Variants in RASSF3 observed in about 807,000 individuals in gnomAD.
The protein encoded by RASSF3 is ras association domain-containing protein 3.
A neutral mutation model predicts 19.9 loss-of-function variants in RASSF3; 19 were observed. That is an observed-to-expected ratio of 0.96 (90% confidence interval 0.67 to 1.40). RASSF3 has a LOEUF of 1.40. Ranked by LOEUF, RASSF3 falls within the 40% of genes most tolerant of loss-of-function variation. The pLI, the probability that RASSF3 is intolerant of heterozygous loss-of-function variation, is 0.00. For synonymous variants in RASSF3, 110 were observed against 104.2 expected, an observed-to-expected ratio of 1.06 and a Z score of -0.34; for missense variants, 306 against 289.8, an observed-to-expected ratio of 1.06 and a Z score of -0.41.
In RASSF3 at chr12:64,625,764, CAGAGT is replaced by C. The variant is rs1278532037; in HGVS notation, c.111+15022_111+15026del. Among the ~76,000 whole-genome samples, 10 of 152,356 alleles carry C rather than the reference CAGAGT, an allele frequency of 6.6e-5. No homozygotes were observed. The East Asian group carries it at 1.7e-3, about 26-fold the overall frequency. Reference sequence around the variant, plus strand: ...TTCCCAGCCCTCTGTTCTCTCTCCACAGAGTGACTGTCTCGGCTCTGAGGGTTTCA... The same window carrying C: ...TTCCCAGCCCTCTGTTCTCTCTCCACGACTGTCTCGGCTCTGAGGGTTTCA... On this transcript the variant is annotated intron_variant, in intron 1 of 4. Coordinates refer to ENST00000542104, the MANE Select transcript of RASSF3 (RefSeq NM_178169.4).
intron 1 of RASSF3, among the ~76,000 whole-genome samples, chr12:64,516,618 C>CAAAA (rs200931603): frequency 0.016 from 1,763 of 109,030 alleles, 49 homozygotes; most frequent in African/African-American, 0.055. Flanking sequence ...GACTCCGTCT[C>CAAAA]AAAAAAAAAA....
At chr12:64,516,867 C>T (rs1397846719) in intron 1 of RASSF3, among the ~76,000 whole-genome samples, 3 of 151,276 alleles carry the variant, frequency 2.0e-5, no homozygotes, top group South Asian at 2.1e-4. Flanking sequence ...GGCGTGGTGG[C>T]GCATGCCTGT....
chr12:64,605,874 C>T (rs1020902639), upstream of RASSF3, among the ~76,000 whole-genome samples: 41 of 115,142 alleles, frequency 3.6e-4, no homozygotes, highest in South Asian at 7.9e-4. Flanking sequence ...GTAAAAAGAG[C>T]GAAACTCCGT....
intron 1 of RASSF3, among the ~76,000 whole-genome samples, chr12:64,615,722 C>G (rs544899014): frequency 3.3e-5 from 5 of 151,448 alleles, no homozygotes; most frequent in Non-Finnish European, 7.4e-5. Context: ...GTCACCCAGG[C>G]TGGAGTGCAG....
chr12:64,615,480 A>G (rs558491533), intron 1 of RASSF3, among the ~76,000 whole-genome samples: 8 of 152,276 alleles, frequency 5.3e-5, no homozygotes, highest in Admixed American at 1.3e-4. Context: ...GCAGGCCTCA[A>G]CTTCACCCTT....
intron 2 of RASSF3, among the ~76,000 whole-genome samples, chr12:64,602,824 A>C (rs1870118106): frequency 6.6e-6 from 1 of 152,104 alleles, no homozygotes; most frequent in South Asian, 2.1e-4. Context: ...GGTGTAGGCC[A>C]GGCGTGGTGG....
At chr12:64,515,449 A>G (rs919937497) in intron 1 of RASSF3, 12 of 151,956 alleles carry the variant, frequency 7.9e-5, no homozygotes, top group African/African-American at 2.9e-4. Flanking sequence ...TCTTGTTCCA[A>G]TGTGGACAGT....
chr12:64,630,774 A>G (rs572127199), intron 1 of RASSF3, among the ~76,000 whole-genome samples: 2 of 152,214 alleles, frequency 1.3e-5, no homozygotes, highest in East Asian at 3.9e-4. Flanking sequence ...GAGAAAGAGG[A>G]GTCAAGGAAG....
chr12:64,638,580 A>AG (rs1871406338), intron 1 of RASSF3, among the ~76,000 whole-genome samples: 1 of 47,244 alleles, frequency 2.1e-5, no homozygotes, highest in Non-Finnish European at 5.1e-5. Flanking sequence ...ACTCCGTCTC[A>AG]AAAAAAAAAA....
intron 1 of RASSF3, among the ~76,000 whole-genome samples, chr12:64,510,414 G>A (rs940228125): frequency 6.6e-6 from 1 of 152,094 alleles, no homozygotes; most frequent in Non-Finnish European, 1.5e-5. Context: ...GTCTCTTTAG[G>A]ATTAAACTCT....
chr12:64,623,277 A>G (rs1870858172), intron 1 of RASSF3, among the ~76,000 whole-genome samples: 1 of 152,240 alleles, frequency 6.6e-6, no homozygotes, highest in East Asian at 1.9e-4. Context: ...AATTAACTTT[A>G]GCATTTCTTA....
At chr12:64,600,567 G>C (rs1592413486) in intron 2 of RASSF3, among the ~76,000 whole-genome samples, 1 of 151,892 alleles carries the variant, frequency 6.6e-6, no homozygotes, top group East Asian at 1.9e-4. Flanking sequence ...TTTGGATTTT[G>C]TTTTTTTTCT....
At position 64,538,183 on chromosome 12, in the gene RASSF3, A is replaced by T. The variant is rs1037529225; in HGVS notation, c.68-3398A>T. On this transcript the variant is annotated intron_variant, in intron 1 of 1. Transcript: ENST00000636333. ...TTTTTCTATTTTTTGTAGAGATGGG[A>T]TCCCTCCCTATGTTGCCCAGGCTGG... Among the ~76,000 whole-genome samples the T allele has an allele frequency of 3.0e-4, 46 of 151,720 alleles. 1 individual carries two copies. Among genetic ancestry groups the T allele is most frequent in the African/African-American group, 2.4e-5 (1 of 41,308 alleles).
At chr12:64,626,055 T>A (rs1325255020) in intron 1 of RASSF3, among the ~76,000 whole-genome samples, 1 of 152,202 alleles carries the variant, frequency 6.6e-6, no homozygotes, top group Non-Finnish European at 1.5e-5. Context: ...ATGAATTGGT[T>A]GTTGGAAACT....
intron 1 of RASSF3, among the ~76,000 whole-genome samples, chr12:64,524,021 C>T (rs888669188): frequency 1.3e-5 from 2 of 148,412 alleles, no homozygotes. Flanking sequence ...CCCACCCAGA[C>T]TGCCATCACC....
intron 1 of RASSF3, among the ~76,000 whole-genome samples, chr12:64,637,483 G>T (rs1871363981): frequency 6.7e-6 from 1 of 148,676 alleles, no homozygotes. Flanking sequence ...AGGCTGGAGT[G>T]CAGTGGCGTG....
At position 64,610,583 on chromosome 12, in the gene RASSF3, T is replaced by G; in HGVS notation, c.-50T>G. 1.7e-6 allele frequency: 2 copies of G among 1,181,020 alleles called. No homozygotes were observed. Among genetic ancestry groups the G allele is most frequent in the African/African-American group, 1.6e-5 (1 of 62,854 alleles). 73.2% of individuals were successfully genotyped at this position (1,181,020 alleles called of 1,614,324 possible). A position where few individuals can be genotyped will look rare whatever the true frequency, so the allele number is the denominator to read the frequency against. On this transcript the variant is annotated 5_prime_UTR_variant, in exon 1 of 5. Transcript: ENST00000542104. Reference sequence around the variant, plus strand: ...GCTGGCGGGCGCCGCACCCCCTCCCTGGCCGCCTGCGCCCCGGGGAGGCCG... The same window carrying G: ...GCTGGCGGGCGCCGCACCCCCTCCCGGGCCGCCTGCGCCCCGGGGAGGCCG...
chr12:64,586,932 A>G (rs1869814659), intron 2 of RASSF3, among the ~76,000 whole-genome samples: 3 of 152,078 alleles, frequency 2.0e-5, no homozygotes, highest in Non-Finnish European at 4.4e-5. Context: ...CAAAAAAAAG[A>G]AAAAAGAAAA....
intron 2 of RASSF3, among the ~76,000 whole-genome samples, chr12:64,567,138 G>A (rs1869445347): frequency 6.6e-6 from 1 of 152,242 alleles, no homozygotes; most frequent in Non-Finnish European, 1.5e-5. Flanking sequence ...GCAGGAGCCA[G>A]GCTGGGAGAC....
Sources: allele counts gnomAD v4.1 joint callset (sites outside exome capture counted in the v4.1 genomes callset), GRCh38; gene constraint gnomAD v4.1.1; transcripts MANE v1.5; gene names NCBI Gene and HGNC (gene_info 2026-07-23, HGNC 2026-07-21).